SMIM31: variants seen among roughly 807,000 people sequenced by gnomAD.
SMIM31 encodes small integral membrane protein 31.
chr4:164,763,830 T>C (rs1732683166), intron 1 of SMIM31, among the ~76,000 whole-genome samples: 1 of 152,158 alleles, frequency 6.6e-6, no homozygotes. Context: ...AAAATCAAGT[T>C]GTACACCCTA....
intron 2 of SMIM31, 139 bp downstream of exon 2, chr4:164,770,694 G>C (rs1391042441): frequency 1.8e-5 from 7 of 393,632 alleles, no homozygotes; most frequent in Non-Finnish European, 3.1e-5. Flanking sequence ...TGTGGCATGT[G>C]TGTGTGTATG....
At chr4:164,779,216 A>G (rs1732915408) in intron 2 of SMIM31, among the ~76,000 whole-genome samples, 1 of 152,196 alleles carries the variant, frequency 6.6e-6, no homozygotes, top group Non-Finnish European at 1.5e-5. Context: ...CAGTAATTAG[A>G]GGTGGGTTTA....
At chr4:164,788,478 C>CTTTTTCTTTTTTTTTTTTTTTTTTTT (rs1733056135) in intron 2 of SMIM31, among the ~76,000 whole-genome samples, 2 of 58,162 alleles carry the variant, frequency 3.4e-5, no homozygotes, top group African/African-American at 1.4e-4. Flanking sequence ...TCTAATTTTT[C>CTTTTTCTTTTTTTTTTTTTTTTTTTT]TTTTTTTTTT....
At chr4:164,759,578 AT>A (rs529442841) in intron 1 of SMIM31, among the ~76,000 whole-genome samples, 88 of 152,294 alleles carry the variant, frequency 5.8e-4, no homozygotes, top group African/African-American at 2.0e-3. Context: ...TATCAAATTT[AT>A]TTTTATAGTG....
At chr4:164,790,791 G>T (rs1733089837) in intron 2 of SMIM31, among the ~76,000 whole-genome samples, 1 of 152,040 alleles carries the variant, frequency 6.6e-6, no homozygotes, top group Non-Finnish European at 1.5e-5. Flanking sequence ...AAAAGAATGT[G>T]TAACTTTAAT....
chr4:164,776,662 C>A (rs1027903851), intron 2 of SMIM31, among the ~76,000 whole-genome samples: 2 of 152,162 alleles, frequency 1.3e-5, no homozygotes. Context: ...CTCCATAATG[C>A]AGATTTGGTC....
intron 2 of SMIM31, among the ~76,000 whole-genome samples, chr4:164,788,462 C>CT (rs11376212): frequency 0.59 from 66,909 of 114,240 alleles, 18,561 homozygotes; most frequent in African/African-American, 0.64. Context: ...TATAAAATTT[C>CT]TTTCTTCTAA....
chr4:164,780,600 G>A (rs1441068191), intron 2 of SMIM31, among the ~76,000 whole-genome samples: 1 of 152,188 alleles, frequency 6.6e-6, no homozygotes. Context: ...TCTACAATGA[G>A]GAAGAACAGA....
chr4:164,785,439 T>C (rs1046749002), intron 2 of SMIM31, among the ~76,000 whole-genome samples: 1 of 152,132 alleles, frequency 6.6e-6, no homozygotes, highest in Admixed American at 6.6e-5. Context: ...AATCTCCTGC[T>C]CTATATAATG....
chr4:164,777,232 A>G (rs1732889720), intron 2 of SMIM31, among the ~76,000 whole-genome samples: 1 of 152,254 alleles, frequency 6.6e-6, no homozygotes, highest in Non-Finnish European at 1.5e-5. Flanking sequence ...CAAACAAAAC[A>G]TGACCAGGAT....
At chr4:164,779,044 G>T (rs1478072624) in intron 2 of SMIM31, among the ~76,000 whole-genome samples, 2 of 151,834 alleles carry the variant, frequency 1.3e-5, no homozygotes, top group South Asian at 4.2e-4. Context: ...TCAACTGAGG[G>T]TTTCTTTAAC....
intron 2 of SMIM31, among the ~76,000 whole-genome samples, chr4:164,788,727 C>G (rs1345603585): frequency 6.6e-6 from 1 of 151,392 alleles, no homozygotes. Flanking sequence ...CTCAGGTGAT[C>G]CGCCCGCCTC....
chr4:164,786,198 G>A (rs1733023666), intron 2 of SMIM31, among the ~76,000 whole-genome samples: 1 of 152,178 alleles, frequency 6.6e-6, no homozygotes, highest in Non-Finnish European at 1.5e-5. Flanking sequence ...TGCTAAGGAT[G>A]GATGTTTGTT....
At chr4:164,768,998 C>T (rs1212047596) in intron 1 of SMIM31, among the ~76,000 whole-genome samples, 1 of 152,146 alleles carries the variant, frequency 6.6e-6, no homozygotes, top group Non-Finnish European at 1.5e-5. Context: ...GCCTCTTTTT[C>T]CCAGTGATCT....
In SMIM31 at chr4:164,785,905, G is replaced by A. The variant is rs143452625; in HGVS notation, c.113-15186G>A. Among the ~76,000 whole-genome samples, 42 of 152,122 alleles carry A rather than the reference G, an allele frequency of 2.8e-4. No individual in the cohort carries two copies. The East Asian group carries it at 7.9e-3, about 29-fold the overall frequency. ...TGGCTACAAATAGCCCAGATCCTCGGAGCTCCCTAAATCCCATCCCAAACT... is the reference window on the plus strand; with the variant it reads ...TGGCTACAAATAGCCCAGATCCTCGAAGCTCCCTAAATCCCATCCCAAACT... On this transcript the variant is annotated intron_variant, in intron 2 of 2. Coordinates refer to ENST00000507311, the MANE Select transcript of SMIM31 (RefSeq NM_001352885.1).
chr4:164,798,614 T>C (rs1733240153), intron 2 of SMIM31, among the ~76,000 whole-genome samples: 1 of 152,194 alleles, frequency 6.6e-6, no homozygotes, highest in Non-Finnish European at 1.5e-5. Flanking sequence ...AGAAATTCCA[T>C]GATCTACTAT....
intron 2 of SMIM31, among the ~76,000 whole-genome samples, chr4:164,789,838 C>T (rs909315855): frequency 1.3e-5 from 2 of 151,982 alleles, no homozygotes; most frequent in Non-Finnish European, 2.9e-5. Context: ...TAATGTTTCT[C>T]TCTCTGAGTC....
At chr4:164,787,738 C>A (rs1733044613) in intron 2 of SMIM31, among the ~76,000 whole-genome samples, 1 of 152,112 alleles carries the variant, frequency 6.6e-6, no homozygotes, top group African/African-American at 2.4e-5. Context: ...TTTATATAAA[C>A]ATATGCACAC....
intron 2 of SMIM31, among the ~76,000 whole-genome samples, chr4:164,792,412 T>G (rs1733114079): frequency 6.6e-6 from 1 of 152,242 alleles, no homozygotes; most frequent in African/African-American, 2.4e-5. Context: ...GATGTAAATT[T>G]TGCCAATAAA....
Sources: allele counts gnomAD v4.1 joint callset (sites outside exome capture counted in the v4.1 genomes callset), GRCh38; gene constraint gnomAD v4.1.1; transcripts MANE v1.5; gene names NCBI Gene and HGNC (gene_info 2026-07-23, HGNC 2026-07-21).